LRRIQ1: variants seen among roughly 807,000 people sequenced by gnomAD.
LRRIQ1 encodes the protein leucine rich repeats and IQ motif containing 1.
LRRIQ1 carries 210 observed loss-of-function variants against 211.9 expected under a neutral mutation model. The ratio of observed to expected loss-of-function variants is 0.99; its 90% CI spans 0.89 to 1.11. The LOEUF is 1.11. LRRIQ1 is among the 50% of genes most tolerant of loss of function. The pLI is 0.00. For missense variants in LRRIQ1, 2,136 were observed against 1,939.5 expected, an observed-to-expected ratio of 1.10 and a Z score of -1.90; for synonymous variants, 699 against 650.1, an observed-to-expected ratio of 1.08 and a Z score of -1.14.
chr12:85,145,216 A>G (rs1462152683), intron 19 of LRRIQ1, among the ~76,000 whole-genome samples: 1 of 151,672 alleles, frequency 6.6e-6, no homozygotes, highest in Non-Finnish European at 1.5e-5. Context: ...CTCTAAGTTT[A>G]GGGAATATCA....
intron 15 of LRRIQ1, among the ~76,000 whole-genome samples, chr12:85,107,750 C>A (rs906302400): frequency 4.6e-5 from 7 of 151,996 alleles, no homozygotes; most frequent in Non-Finnish European, 5.9e-5. Flanking sequence ...CTCACTCACT[C>A]CGAATAGTTT....
At chr12:85,136,283 A>C (rs965777980) in intron 18 of LRRIQ1, among the ~76,000 whole-genome samples, 1 of 151,986 alleles carries the variant, frequency 6.6e-6, no homozygotes, top group Non-Finnish European at 1.5e-5. Flanking sequence ...GTCAGCCATC[A>C]TCACTTGCCT....
intron 23 of LRRIQ1, among the ~76,000 whole-genome samples, chr12:85,159,764 TG>T (rs1424043655): frequency 6.6e-6 from 1 of 152,006 alleles, no homozygotes; most frequent in East Asian, 1.9e-4. Flanking sequence ...CATTTTTTTT[TG>T]TAAATGACTT....
intron 19 of LRRIQ1, among the ~76,000 whole-genome samples, chr12:85,151,817 C>T (rs1379241243): frequency 6.6e-6 from 1 of 151,384 alleles, no homozygotes; most frequent in Non-Finnish European, 1.5e-5. Context: ...TTTTTTTACT[C>T]TATTCAGAAA....
At chr12:85,170,606 T>C (rs186664847) in intron 24 of LRRIQ1, among the ~76,000 whole-genome samples, 40 of 151,600 alleles carry the variant, frequency 2.6e-4, no homozygotes, top group African/African-American at 8.9e-4. Flanking sequence ...TAGGAAGAGA[T>C]TTCAGAGCTC....
intron 24 of LRRIQ1, among the ~76,000 whole-genome samples, chr12:85,208,882 T>C (rs2137056889): frequency 6.6e-6 from 1 of 152,278 alleles, no homozygotes; most frequent in South Asian, 2.1e-4. Context: ...ATACTGGCAA[T>C]TTTCTATAGA....
chr12:85,223,377 A>AG (rs1894492282), intron 24 of LRRIQ1, among the ~76,000 whole-genome samples: 1 of 152,122 alleles, frequency 6.6e-6, no homozygotes, highest in Non-Finnish European at 1.5e-5. Flanking sequence ...AAAGACCTGC[A>AG]GAAAAAAAAG....
downstream of LRRIQ1, among the ~76,000 whole-genome samples, chr12:85,249,452 A>G (rs1291420250): frequency 6.6e-6 from 1 of 151,784 alleles, no homozygotes; most frequent in African/African-American, 2.4e-5. Context: ...TGTGTGTAAC[A>G]TGCATTATAA....
At position 85,056,161 on chromosome 12, in the gene LRRIQ1, A is replaced by G; in HGVS notation, c.1368A>G (p.Ile456Met). 1 of 1,593,450 alleles carries G rather than the reference A, an allele frequency of 6.3e-7. No homozygotes were observed. Among genetic ancestry groups the G allele is most frequent in the Non-Finnish European group, 8.5e-7 (1 of 1,174,128 alleles). Reference protein sequence around the residue: ...NMKENVDRQTILKESIQVKLK... With the variant: ...NMKENVDRQTMLKESIQVKLK... The stretch of plus-strand genomic sequence containing the variant: ...AAGAAAATGTAGATAGACAGACTAT[A>G]TTAAAAGAATCAATACAAGTAAAGT... The change falls in exon 8 of 27, where the codon ATA becomes ATG. Residue 456 changes from isoleucine (I) to methionine (M), a missense_variant. By Grantham distance (10) the Ile-to-Met change is conservative. Transcript: ENST00000393217.
At chr12:85,248,911 T>A (rs998806326), downstream of LRRIQ1, among the ~76,000 whole-genome samples, 15 of 151,724 alleles carry the variant, frequency 9.9e-5, no homozygotes, top group Non-Finnish European at 1.5e-5. Flanking sequence ...GTAAGTAATA[T>A]AAGGTTGGAT....
chr12:85,188,138 C>A (rs1892319555), intron 24 of LRRIQ1, among the ~76,000 whole-genome samples: 1 of 148,546 alleles, frequency 6.7e-6, no homozygotes, highest in Non-Finnish European at 1.5e-5. Flanking sequence ...ACATAGTAAG[C>A]ACTCAGTAAA....
intron 1 of LRRIQ1, among the ~76,000 whole-genome samples, chr12:85,250,194 T>C (rs190766855): frequency 2.0e-5 from 3 of 152,016 alleles, no homozygotes; most frequent in South Asian, 4.2e-4. Context: ...GACATTTTCT[T>C]GCTCCGTAGT....
At chr12:85,104,351 G>C (rs1355107537) in intron 14 of LRRIQ1, among the ~76,000 whole-genome samples, 1 of 151,730 alleles carries the variant, frequency 6.6e-6, no homozygotes, top group Non-Finnish European at 1.5e-5. Flanking sequence ...GCCTAATGAA[G>C]ATGAGCAAAC....
intron 18 of LRRIQ1, among the ~76,000 whole-genome samples, chr12:85,132,219 A>G (rs1385049704): frequency 6.6e-6 from 1 of 152,056 alleles, no homozygotes; most frequent in African/African-American, 2.4e-5. Flanking sequence ...CTCAATCTTG[A>G]TATCATTATG....
At chr12:85,252,734 G>A (rs1377242089) in intron 1 of LRRIQ1, among the ~76,000 whole-genome samples, 1 of 151,304 alleles carries the variant, frequency 6.6e-6, no homozygotes, top group African/African-American at 2.4e-5. Context: ...ACCAAAATTG[G>A]GAGGAGACAG....
chr12:85,072,232 G>A (rs1449803895), intron 10 of LRRIQ1, among the ~76,000 whole-genome samples: 1 of 138,424 alleles, frequency 7.2e-6, no homozygotes, highest in Non-Finnish European at 1.6e-5. Context: ...ATATAGAAAG[G>A]TCATTTTTTT....
At chr12:85,156,138 C>G (rs1350111514) in intron 23 of LRRIQ1, among the ~76,000 whole-genome samples, 1 of 151,610 alleles carries the variant, frequency 6.6e-6, no homozygotes, top group Non-Finnish European at 1.5e-5. Context: ...TGATTATAAT[C>G]CAAATTGCAT....
chr12:85,159,231 G>A (rs1292490192), intron 23 of LRRIQ1, among the ~76,000 whole-genome samples: 1 of 151,966 alleles, frequency 6.6e-6, no homozygotes, highest in South Asian at 2.1e-4. Context: ...CCAAAGAAAT[G>A]CCAAAGAACT....
intron 11 of LRRIQ1, among the ~76,000 whole-genome samples, chr12:85,091,151 G>T (rs1456163789): frequency 6.6e-6 from 1 of 152,018 alleles, no homozygotes; most frequent in Non-Finnish European, 1.5e-5. Flanking sequence ...GCTTCCTAAG[G>T]TCTCTCTAGA....
Sources: gnomAD v4.1 joint callset for allele counts (sites outside exome capture counted in the v4.1 genomes callset) on GRCh38, gnomAD v4.1.1 for gene constraint, MANE v1.5 for transcripts, NCBI Gene and HGNC (gene_info 2026-07-23, HGNC 2026-07-21) for gene names.